The following SGCZ variants were observed in gnomAD, a reference collection of about 807,000 sequenced individuals.
SGCZ encodes the protein zeta-sarcoglycan.
In SGCZ, 40 loss-of-function variants were observed where a neutral mutation model predicts 41.3. That is an observed-to-expected ratio of 0.97 (90% CI 0.75 to 1.26). The LOEUF is 1.26. SGCZ is among the 50% of genes most tolerant of loss of function. The pLI, the probability that SGCZ is intolerant of heterozygous loss-of-function variation, is 0.00. For synonymous variants in SGCZ, 206 were observed against 137.5 expected (o/e 1.50, Z -3.49); for missense variants, 552 against 369.8 (o/e 1.49, Z -4.04).
At chr8:14,352,707 G>A (rs538490355) in intron 2 of SGCZ, among the ~76,000 whole-genome samples, 1 of 152,060 alleles carries the variant, frequency 6.6e-6, no homozygotes, top group African/African-American at 2.4e-5. Context: ...CTCAACTAGG[G>A]CAAATTCTGA....
intron 1 of SGCZ, among the ~76,000 whole-genome samples, chr8:14,855,456 C>G (rs79141393): frequency 6.6e-6 from 1 of 152,204 alleles, no homozygotes; most frequent in East Asian, 1.9e-4. Context: ...AACATTGCCC[C>G]ATTTTACCCT....
chr8:14,458,925 G>A (rs545857496), intron 2 of SGCZ, among the ~76,000 whole-genome samples: 88 of 152,234 alleles, frequency 5.8e-4, no homozygotes, highest in African/African-American at 1.9e-3. Context: ...AATATGAGAT[G>A]AGCCTCGAAA....
At chr8:14,865,591 T>C (rs1803904040) in intron 1 of SGCZ, among the ~76,000 whole-genome samples, 2 of 152,080 alleles carry the variant, frequency 1.3e-5, no homozygotes, top group African/African-American at 2.4e-5. Context: ...TCTCCACGAA[T>C]TAACCCATGA....
At chr8:15,181,360 C>A (rs1800173432) in intron 1 of SGCZ, among the ~76,000 whole-genome samples, 1 of 151,938 alleles carries the variant, frequency 6.6e-6, no homozygotes. Context: ...AGATATACCA[C>A]AGAAAAAACA....
At chr8:14,446,668 T>A (rs1800441181) in intron 2 of SGCZ, among the ~76,000 whole-genome samples, 1 of 152,198 alleles carries the variant, frequency 6.6e-6, no homozygotes, top group Admixed American at 6.6e-5. Flanking sequence ...AAATCCTGTA[T>A]AAGGTTTATA....
At chr8:14,640,257 T>A (rs1806978172) in intron 1 of SGCZ, among the ~76,000 whole-genome samples, 1 of 151,752 alleles carries the variant, frequency 6.6e-6, no homozygotes, top group Non-Finnish European at 1.5e-5. Context: ...AAGTTCCTTT[T>A]CTAAAATCTG....
At chr8:14,732,817 TA>T (rs906463789) in intron 1 of SGCZ, among the ~76,000 whole-genome samples, 81 of 151,978 alleles carry the variant, frequency 5.3e-4, no homozygotes, top group Admixed American at 1.4e-3. Flanking sequence ...CTTTTGTCTT[TA>T]AAAAAAAGAC....
chr8:14,502,614 AAAAAC>A (rs969691423), intron 2 of SGCZ, among the ~76,000 whole-genome samples: 1 of 152,194 alleles, frequency 6.6e-6, no homozygotes, highest in African/African-American at 2.4e-5. Flanking sequence ...TTACAAGAAA[AAAAAC>A]AACCCCATTA....
intron 2 of SGCZ, among the ~76,000 whole-genome samples, chr8:14,470,741 G>A (rs534374931): frequency 2.5e-4 from 38 of 152,238 alleles, no homozygotes; most frequent in African/African-American, 9.1e-4. Context: ...TATAAAAAGT[G>A]CCAAATGTAT....
chr8:14,673,915 G>C (rs1585172359), intron 1 of SGCZ, among the ~76,000 whole-genome samples: 1 of 152,176 alleles, frequency 6.6e-6, no homozygotes, highest in Non-Finnish European at 1.5e-5. Context: ...TTTTATTTTA[G>C]TTTCATTGAT....
At chr8:14,437,918 T>C (rs74516025) in intron 2 of SGCZ, among the ~76,000 whole-genome samples, 1 of 151,970 alleles carries the variant, frequency 6.6e-6, no homozygotes, top group Non-Finnish European at 1.5e-5. Context: ...GATGTAAAGC[T>C]AGATGATTAC....
chr8:14,495,148 C>T (rs1163574854), intron 2 of SGCZ, among the ~76,000 whole-genome samples: 2 of 151,982 alleles, frequency 1.3e-5, no homozygotes, highest in Admixed American at 1.3e-4. Context: ...TAGAGTTTAT[C>T]AAAAAGAAGA....
chr8:15,224,939 T>G (rs1801721104), intron 1 of SGCZ, among the ~76,000 whole-genome samples: 2 of 152,098 alleles, frequency 1.3e-5, no homozygotes, highest in African/African-American at 4.8e-5. Flanking sequence ...TAACATAGTC[T>G]CAAATATATA....
chr8:14,806,779 A>C (rs1192628284), intron 1 of SGCZ, among the ~76,000 whole-genome samples: 1 of 152,158 alleles, frequency 6.6e-6, no homozygotes, highest in Non-Finnish European at 1.5e-5. Flanking sequence ...ACACAACCAA[A>C]AAAGAGAATT....
In SGCZ at chr8:14,309,659, T is replaced by G. The variant is rs1488991517; in HGVS notation, c.336+14444A>C. On this transcript the variant is annotated intron_variant, in intron 3 of 7. Coordinates refer to ENST00000382080, the MANE Select transcript of SGCZ (RefSeq NM_139167.4). Reference sequence around the variant, plus strand: ...CTAAGAGCGGCTCCACCACTAAAAATAGGTTTGTTGTTTAAGAAGACACCT... The same window carrying G: ...CTAAGAGCGGCTCCACCACTAAAAAGAGGTTTGTTGTTTAAGAAGACACCT... The G allele has an allele frequency of 1.9e-6, 3 of 1,610,572 alleles. No individual in the cohort carries two copies. In the East Asian group the frequency reaches 6.7e-5, roughly 36 times the overall value.
intron 1 of SGCZ, among the ~76,000 whole-genome samples, chr8:14,680,639 G>T (rs1410514662): frequency 6.6e-6 from 1 of 151,734 alleles, no homozygotes; most frequent in African/African-American, 2.4e-5. Context: ...GTAGAAGAAG[G>T]CATGAGACTG....
intron 2 of SGCZ, among the ~76,000 whole-genome samples, chr8:14,381,531 G>A (rs10101058): frequency 6.6e-6 from 1 of 151,684 alleles, no homozygotes; most frequent in African/African-American, 2.4e-5. Context: ...TCCCAGTATG[G>A]TGGGAAGCTC....
rs114834375 is a variant in SGCZ at position 15,094,744 on chromosome 8, C to G, written c.39+142841G>C. 1.7e-3 allele frequency among the ~76,000 whole-genome samples: 258 copies of G among 152,154 alleles called. 1 individual carries two copies. Among genetic ancestry groups the G allele is most frequent in the African/African-American group, 5.8e-3 (241 of 41,520 alleles). On this transcript the variant is annotated intron_variant, in intron 1 of 7. Coordinates refer to ENST00000382080, the MANE Select transcript of SGCZ (RefSeq NM_139167.4). ...GATAATTGAATCATGGGGGCAGTTT[C>G]CCCCATACTGTTCTCTTGATAGTGA... is the stretch of plus-strand genomic sequence containing the variant.
At chr8:14,324,049 A>G in intron 3 of SGCZ, 54 bp downstream of exon 3, 1 of 1,300,802 alleles carries the variant, frequency 7.7e-7, no homozygotes, top group South Asian at 1.2e-5. Flanking sequence ...ATTTCAAGCT[A>G]AAACATAACC....
Sources: gnomAD v4.1 joint callset for allele counts (sites outside exome capture counted in the v4.1 genomes callset) on GRCh38, gnomAD v4.1.1 for gene constraint, MANE v1.5 for transcripts, NCBI Gene and HGNC (gene_info 2026-07-23, HGNC 2026-07-21) for gene names.